The following WASF2 variants were observed in gnomAD, a reference collection of about 807,000 sequenced individuals.
WASF2 encodes the protein WASP family member 2.
In WASF2, 14 loss-of-function variants were observed where a neutral mutation model predicts 45.0. The observed-to-expected ratio is 0.31, with a 90% confidence interval of 0.21 to 0.49. The LOEUF (loss-of-function observed/expected upper bound fraction) is 0.49, where lower values mean the gene tolerates loss of function less well. Ranked by LOEUF, WASF2 falls within the 20% of genes least tolerant of loss-of-function variation. The pLI is 0.99. For synonymous variants in WASF2, 200 were observed against 236.3 expected (o/e 0.85, Z 1.41); for missense variants, 439 against 636.1 (o/e 0.69, Z 3.33).
intron 1 of WASF2, among the ~76,000 whole-genome samples, chr1:27,475,637 G>T (rs2017756152): frequency 6.6e-6 from 1 of 151,860 alleles, no homozygotes; most frequent in Non-Finnish European, 1.5e-5. Context: ...GTTTTGTTCT[G>T]TTTTGTTTGA....
chr1:27,428,678 T>C (rs1454365703), intron 2 of WASF2, 83 bp downstream of exon 2: 14 of 1,605,018 alleles, frequency 8.7e-6, no homozygotes, highest in African/African-American at 2.7e-5. Flanking sequence ...GGGGGAGAAA[T>C]AGGAACGCGG....
intron 8 of WASF2, among the ~76,000 whole-genome samples, chr1:27,409,414 G>C (rs2016727401): frequency 1.0e-5 from 1 of 100,182 alleles, no homozygotes; most frequent in Non-Finnish European, 1.8e-5. Flanking sequence ...AAAAGAGCCA[G>C]ACTCTGTCCC....
chr1:27,484,811 C>CAAAAAAAAAAAAAAAAAAAA (rs58153446), intron 1 of WASF2, among the ~76,000 whole-genome samples: 3 of 124,582 alleles, frequency 2.4e-5, no homozygotes, highest in South Asian at 2.7e-4. Flanking sequence ...GACTCTGTCT[C>CAAAAAAAAAAAAAAAAAAAA]AAAAAAAAAA....
intron 1 of WASF2, among the ~76,000 whole-genome samples, chr1:27,464,458 C>CAATT (rs777252044): frequency 3.3e-5 from 5 of 152,000 alleles, no homozygotes; most frequent in Admixed American, 1.3e-4. Context: ...ATGAATCTTA[C>CAATT]AATTAGTCTG....
At chr1:27,409,428 CAAAAAAAAAAAAAAA>C (rs60940665) in intron 8 of WASF2, among the ~76,000 whole-genome samples, 1 of 43,692 alleles carries the variant, frequency 2.3e-5, no homozygotes, top group East Asian at 3.7e-4. Flanking sequence ...CTGTCCCCCA[CAAAAAAAAAAAAAAA>C]AAAAAAAAAA....
intron 1 of WASF2, among the ~76,000 whole-genome samples, chr1:27,450,861 T>C (rs1464883077): frequency 6.6e-6 from 1 of 151,864 alleles, no homozygotes; most frequent in Non-Finnish European, 1.5e-5. Flanking sequence ...TTCATTTCTT[T>C]CCTCAATAAA....
At chr1:27,427,758 G>A (rs1248345967) in intron 2 of WASF2, among the ~76,000 whole-genome samples, 1 of 152,082 alleles carries the variant, frequency 6.6e-6, no homozygotes, top group East Asian at 1.9e-4. Context: ...ATATTCCACT[G>A]CCTTCACTAA....
chr1:27,443,635 T>C (rs1410767036), intron 1 of WASF2, among the ~76,000 whole-genome samples: 1 of 152,030 alleles, frequency 6.6e-6, no homozygotes, highest in East Asian at 1.9e-4. Context: ...AAAAATTTAA[T>C]ATAGCTTGGT....
intron 8 of WASF2, among the ~76,000 whole-genome samples, chr1:27,408,751 A>G (rs1421105808): frequency 6.6e-6 from 1 of 151,030 alleles, no homozygotes; most frequent in Non-Finnish European, 1.5e-5. Context: ...CCACGATAAC[A>G]CCTTGGGACC....
At chr1:27,462,092 C>T (rs769893008) in intron 1 of WASF2, among the ~76,000 whole-genome samples, 4 of 151,880 alleles carry the variant, frequency 2.6e-5, no homozygotes, top group Non-Finnish European at 5.9e-5. Context: ...ATTCTCCTGC[C>T]TCAGCCTCCC....
chr1:27,463,476 T>G (rs2017573948), intron 1 of WASF2, among the ~76,000 whole-genome samples: 2 of 151,310 alleles, frequency 1.3e-5, no homozygotes, highest in African/African-American at 4.9e-5. Flanking sequence ...ATACAAAAAA[T>G]CAGCCGAGTG....
chr1:27,424,944 C>T (rs147133539), intron 2 of WASF2, among the ~76,000 whole-genome samples: 1 of 152,334 alleles, frequency 6.6e-6, no homozygotes, highest in East Asian at 1.9e-4. Flanking sequence ...CTTGAAGGAT[C>T]AGCTACAGGC....
At chr1:27,478,078 C>A (rs753981101) in intron 1 of WASF2, among the ~76,000 whole-genome samples, 93 of 150,254 alleles carry the variant, frequency 6.2e-4, no homozygotes, top group Non-Finnish European at 1.2e-3. Flanking sequence ...ATGGTGAAAC[C>A]CCCGTCTCTA....
At chr1:27,415,068 G>A (rs779210825) in intron 5 of WASF2, 105 bp from the exon 6 acceptor site, 140 of 1,404,656 alleles carry the variant, frequency 1.0e-4, no homozygotes, top group Non-Finnish European at 1.4e-4. Flanking sequence ...AATCTGCCTA[G>A]ACAACATACA....
chr1:27,433,294 G>C (rs114411011), intron 1 of WASF2, among the ~76,000 whole-genome samples: 3,185 of 152,192 alleles, frequency 0.021, 105 homozygotes, highest in African/African-American at 0.072. Context: ...GAACAAAAAG[G>C]ATGATTAGAG....
chr1:27,408,471 G>A lies in WASF2; in HGVS notation c.1340-125C>T, dbSNP rs181477433. 18 of 1,308,954 alleles carry A rather than the reference G, an allele frequency of 1.4e-5. No homozygotes were observed. In the African/African-American group the frequency reaches 2.7e-4, roughly 20 times the overall value. 81.1% of individuals were successfully genotyped at this position (1,308,954 alleles called of 1,614,324 possible). A position where few individuals can be genotyped will look rare whatever the true frequency, so the allele number is the denominator to read the frequency against. On this transcript the variant is annotated intron_variant, in intron 8 of 8. Transcript: ENST00000618852. Reference sequence around the variant, plus strand: ...ATTGGAAAGGATAGAGAAAAAGAAGGTTGTTATGGAAAAGCAGAAGAAGAT... The same window carrying A: ...ATTGGAAAGGATAGAGAAAAAGAAGATTGTTATGGAAAAGCAGAAGAAGAT...
chr1:27,484,120 T>G (rs965679259), intron 1 of WASF2, among the ~76,000 whole-genome samples: 3 of 152,190 alleles, frequency 2.0e-5, no homozygotes, highest in Non-Finnish European at 4.4e-5. Context: ...ATTCAGGCCC[T>G]CAAACCAGGC....
chr1:27,435,136 G>A (rs1487437747), intron 1 of WASF2, among the ~76,000 whole-genome samples: 1 of 152,024 alleles, frequency 6.6e-6, no homozygotes. Context: ...TAGTAGAGAT[G>A]GGGTTTCTCC....
chr1:27,426,963 G>C (rs965529235), intron 2 of WASF2, among the ~76,000 whole-genome samples: 6 of 152,140 alleles, frequency 3.9e-5, no homozygotes, highest in Admixed American at 1.3e-4. Flanking sequence ...ACAAATGTGG[G>C]TTCCCTTCTC....
Sources: allele counts gnomAD v4.1 joint callset (sites outside exome capture counted in the v4.1 genomes callset), GRCh38; gene constraint gnomAD v4.1.1; transcripts MANE v1.5; gene names NCBI Gene and HGNC (gene_info 2026-07-23, HGNC 2026-07-21).